LRFN2: variants seen among roughly 807,000 people sequenced by gnomAD.
LRFN2 encodes the protein leucine-rich repeat and fibronectin type-III domain-containing protein 2.
In LRFN2, 18 loss-of-function variants were observed where a neutral mutation model predicts 37.3. The observed-to-expected ratio is 0.48, with a 90% confidence interval of 0.33 to 0.72. LRFN2 has a LOEUF of 0.72. Among genes scored for constraint, LRFN2 ranks in the 30% least tolerant of loss-of-function variants. The pLI, the probability that LRFN2 is intolerant of heterozygous loss-of-function variation, is 0.02. For synonymous variants in LRFN2, 556 were observed against 466.6 expected (o/e 1.19, Z -2.47); for missense variants, 1,006 against 1,060.7 (o/e 0.95, Z 0.72).
intron 2 of LRFN2, among the ~76,000 whole-genome samples, chr6:40,429,535 C>A (rs941420125): frequency 6.7e-6 from 1 of 149,626 alleles, no homozygotes; most frequent in African/African-American, 2.5e-5. Context: ...CCATTTTTCA[C>A]CTCTCAAATT....
At chr6:40,449,157 G>A (rs73732619) in intron 1 of LRFN2, among the ~76,000 whole-genome samples, 2,288 of 152,246 alleles carry the variant, frequency 0.015, 62 homozygotes, top group African/African-American at 0.051. Flanking sequence ...CTAAGAGAGC[G>A]CACTTCAAAT....
chr6:40,464,155 TTC>T (rs772497452), intron 1 of LRFN2, among the ~76,000 whole-genome samples: 6 of 152,216 alleles, frequency 3.9e-5, no homozygotes, highest in African/African-American at 7.2e-5. Flanking sequence ...TATGGGTCTA[TTC>T]TTTCCTTTAG....
chr6:40,452,140 C>T (rs2117154), intron 1 of LRFN2, among the ~76,000 whole-genome samples: 39,060 of 152,028 alleles, frequency 0.26, 6,078 homozygotes, highest in Middle Eastern at 0.41. Flanking sequence ...CCGAAGTGTC[C>T]AATCTTACCA....
intron 1 of LRFN2, among the ~76,000 whole-genome samples, chr6:40,457,292 T>C (rs971413896): frequency 6.6e-6 from 1 of 152,044 alleles, no homozygotes; most frequent in Admixed American, 6.5e-5. Flanking sequence ...CCTTGAAATA[T>C]AGGTAAGCTG....
At chr6:40,409,136 C>T (rs540633889) in intron 2 of LRFN2, among the ~76,000 whole-genome samples, 5 of 152,340 alleles carry the variant, frequency 3.3e-5, no homozygotes, top group East Asian at 3.9e-4. Flanking sequence ...CAAACTATTG[C>T]ACCCTTAATA....
Position 40,392,151 on chromosome 6 carries a change from C to A in LRFN2, c.2162G>T (p.Ser721Ile). The A allele has an allele frequency of 6.2e-7, 1 of 1,608,330 alleles. No individual in the cohort carries two copies. The highest frequency in any genetic ancestry group is 8.5e-7 in the Non-Finnish European group (1 of 1,177,284). Residue 721 changes from serine (S) to isoleucine (I), a missense_variant, in exon 3 of 3, where the codon AGC becomes ATC. Physicochemically the swap from Ser to Ile is moderately radical, Grantham distance 142 (BLOSUM62 -2). This residue lies in a region of LRFN2 where 398 missense variants were observed against 327.6 expected (regional missense o/e 1.21). Transcript: ENST00000338305. This position sits in a 1 kb window ranked among gnomAD's most constrained non-coding sequence, Gnocchi z 4.7. ...AAAGTCCCCCATGTCGAAGGAGTGG[C>A]TGCGTTTGGCCTTGCCCTCCAACGG... The part of the protein sequence containing the change: ...PLPLEGKAKR[S>I]HSFDMGDFAA...
chr6:40,469,791 C>T (rs1764552619), intron 1 of LRFN2, among the ~76,000 whole-genome samples: 1 of 152,154 alleles, frequency 6.6e-6, no homozygotes, highest in Non-Finnish European at 1.5e-5. Context: ...TGTGTCCCTC[C>T]CTCCCTTACC....
chr6:40,481,399 G>A (rs1764827375), intron 1 of LRFN2, among the ~76,000 whole-genome samples: 1 of 141,382 alleles, frequency 7.1e-6, no homozygotes, highest in African/African-American at 2.6e-5. Context: ...CTGAGATTGT[G>A]CCACTGCACT....
intron 2 of LRFN2, among the ~76,000 whole-genome samples, chr6:40,412,965 G>C (rs1015106231): frequency 6.6e-6 from 1 of 152,180 alleles, no homozygotes; most frequent in African/African-American, 2.4e-5. Context: ...CTTTTGAGGT[G>C]AGGGAGATCT....
At chr6:40,411,858 A>G (rs1348401227) in intron 2 of LRFN2, among the ~76,000 whole-genome samples, 1 of 151,570 alleles carries the variant, frequency 6.6e-6, no homozygotes, top group African/African-American at 2.4e-5. Flanking sequence ...CACCCATATC[A>G]TTTACTCATT....
chr6:40,495,028 G>A (rs2113872249), intron 1 of LRFN2, among the ~76,000 whole-genome samples: 1 of 152,298 alleles, frequency 6.6e-6, no homozygotes, highest in South Asian at 2.1e-4. Context: ...TCCATCAGCT[G>A]ACTGGCATCT....
chr6:40,556,690 T>TCTC (rs1766892488), intron 1 of LRFN2, among the ~76,000 whole-genome samples: 1 of 117,108 alleles, frequency 8.5e-6, no homozygotes, highest in Non-Finnish European at 1.8e-5. Flanking sequence ...CTCTCTCTCT[T>TCTC]TGTTTCTCTC....
rs150342991 is a variant in LRFN2, at chr6:40,500,905, C to T, written c.-18-67774G>A. Among the ~76,000 whole-genome samples the T allele has an allele frequency of 1.2e-4, 18 of 150,402 alleles. No homozygotes were observed. The East Asian group carries it at 1.9e-3, about 16-fold the overall frequency. ...GTGTTATCCTTGAAGATGTGAATGA[C>T]GGGTGGTGGTATTTTTTTCCTTTTG... On this transcript the variant is annotated intron_variant, in intron 1 of 2. Coordinates refer to ENST00000338305, the MANE Select transcript of LRFN2 (RefSeq NM_020737.3).
At chr6:40,435,084 G>GAGAGAGAGACAGAGAGAC (rs1554134667) in intron 1 of LRFN2, among the ~76,000 whole-genome samples, 1 of 131,652 alleles carries the variant, frequency 7.6e-6, no homozygotes, top group South Asian at 2.5e-4. Context: ...GAGAGAGAGA[G>GAGAGAGAGACAGAGAGAC]AGAGAGACAG....
At chr6:40,411,974 A>T (rs1187216364) in intron 2 of LRFN2, among the ~76,000 whole-genome samples, 1 of 152,194 alleles carries the variant, frequency 6.6e-6, no homozygotes, top group African/African-American at 2.4e-5. Context: ...CTTTGCTAGC[A>T]TAGCTGCCTC....
intron 1 of LRFN2, among the ~76,000 whole-genome samples, chr6:40,528,476 C>A (rs569731147): frequency 6.6e-6 from 1 of 152,196 alleles, no homozygotes; most frequent in Non-Finnish European, 1.5e-5. Flanking sequence ...TGCCCTGCCA[C>A]GGCTGTCCTT....
chr6:40,395,443 C>A (rs1762595918), intron 2 of LRFN2, among the ~76,000 whole-genome samples: 1 of 152,218 alleles, frequency 6.6e-6, no homozygotes, highest in Admixed American at 6.5e-5. Context: ...TGCTGTGACT[C>A]ACGCTCCTCT....
chr6:40,398,978 C>T (rs1229393524), intron 2 of LRFN2, among the ~76,000 whole-genome samples: 1 of 151,908 alleles, frequency 6.6e-6, no homozygotes, highest in Admixed American at 6.6e-5. Flanking sequence ...CTGTGGGGAA[C>T]TACATTTCCC....
At chr6:40,495,321 A>C (rs1255014161) in intron 1 of LRFN2, among the ~76,000 whole-genome samples, 1 of 152,168 alleles carries the variant, frequency 6.6e-6, no homozygotes, top group Non-Finnish European at 1.5e-5. Context: ...ACTGAAAAAC[A>C]TGGCTCCCTA....
Sources: gnomAD v4.1 joint callset for allele counts (sites outside exome capture counted in the v4.1 genomes callset) on GRCh38, gnomAD v4.1.1 for gene constraint, gnomAD v4.1.1 regional missense constraint, Gnocchi (gnomAD v3.1) non-coding constraint, MANE v1.5 for transcripts, NCBI Gene and HGNC (gene_info 2026-07-23, HGNC 2026-07-21) for gene names.